CPA5: variants seen among roughly 807,000 people sequenced by gnomAD.
CPA5 encodes carboxypeptidase A5.
A neutral mutation model predicts 52.2 loss-of-function variants in CPA5; 38 were observed. The observed-to-expected ratio is 0.73, with a 90% CI of 0.56 to 0.95. The LOEUF (loss-of-function observed/expected upper bound fraction) is 0.95, where lower values mean the gene tolerates loss of function less well. Among genes scored for constraint, CPA5 ranks in the 40% least tolerant of loss-of-function variants. CPA5 has a pLI of 0.00. For missense variants in CPA5, 519 were observed against 566.7 expected (o/e 0.92, Z 0.86); for synonymous variants, 198 against 213.7 (o/e 0.93, Z 0.64).
intron 5 of CPA5, among the ~76,000 whole-genome samples, chr7:130,352,678 C>T (rs577229683): frequency 1.6e-3 from 248 of 152,214 alleles, no homozygotes; most frequent in Middle Eastern, 6.8e-3. Context: ...AGAAACACCA[C>T]CCTGACAGTG....
chr7:130,371,123 G>A (rs1364208865), downstream of CPA5, among the ~76,000 whole-genome samples: 1 of 152,244 alleles, frequency 6.6e-6, no homozygotes, highest in Admixed American at 6.5e-5. Context: ...AGTGGGTGGG[G>A]CCTAGGAGAT....
chr7:130,372,062 C>T (rs973130516), downstream of CPA5, among the ~76,000 whole-genome samples: 2 of 152,250 alleles, frequency 1.3e-5, no homozygotes, highest in Non-Finnish European at 2.9e-5. Context: ...TCTCCCCCTT[C>T]AATATCCTTC....
At position 130,350,077 on chromosome 7, in the gene CPA5, C is replaced by T. The variant is rs1554403530; in HGVS notation, c.301C>T (p.Leu101Phe). 2 of 1,613,834 alleles carry T rather than the reference C, an allele frequency of 1.2e-6. No homozygotes were observed. The highest frequency in any genetic ancestry group is 1.7e-5 in the Admixed American group (1 of 59,988). ...DIKAYLESHG[L>F]AYSIMIKDIQ... ...CAAAGCTTATCTGGAGTCTCATGGA[C>T]TTGCTTACAGCATCATGATAAAGGA... is the stretch of plus-strand genomic sequence containing the variant. Residue 101 changes from leucine to phenylalanine, a missense_variant, in exon 5 of 13, where the codon CTT becomes TTT. Physicochemically the swap from Leu to Phe is conservative, Grantham distance 22. Transcript: ENST00000474905.
intron 5 of CPA5, among the ~76,000 whole-genome samples, chr7:130,358,766 C>T (rs1397150904): frequency 2.6e-5 from 4 of 152,120 alleles, no homozygotes; most frequent in Non-Finnish European, 5.9e-5. Context: ...CTCACTGTGA[C>T]CCAAGCAGAG....
chr7:130,352,229 G>A (rs888989736), intron 5 of CPA5, among the ~76,000 whole-genome samples: 1 of 152,062 alleles, frequency 6.6e-6, no homozygotes, highest in African/African-American at 2.4e-5. Flanking sequence ...AGAAACATGA[G>A]GCAGGGCCAT....
Position 130,363,442 on chromosome 7 carries a change from G to C in CPA5, c.771G>C (p.Lys257Asn), listed in dbSNP as rs1554407376. ...HSMNRLWRKNKSIRPGIFCIG... is the reference protein window; with the variant it reads ...HSMNRLWRKNNSIRPGIFCIG... The stretch of plus-strand genomic sequence containing the variant: ...AGAACCGCTTATGGCGGAAGAACAA[G>C]TCCATCAGACCTGGAATCTTCTGCA... Residue 257 changes from lysine (K) to asparagine (N), a missense_variant, in exon 10 of 13, where the codon AAG becomes AAC. By Grantham distance (94) the Lys-to-Asn change is moderately conservative. Transcript: ENST00000474905. 6.3e-7 allele frequency: 1 copy of C among 1,577,018 alleles called. No homozygotes were observed. Among genetic ancestry groups the C allele is most frequent in the Non-Finnish European group, 8.6e-7 (1 of 1,160,552 alleles).
chr7:130,362,530 T>C lies in CPA5; in HGVS notation c.627T>C (p.Thr209=). The C allele has an allele frequency of 6.2e-7, 1 of 1,612,608 alleles. No individual in the cohort carries two copies. Among genetic ancestry groups the C allele is most frequent in the East Asian group, 2.2e-5 (1 of 44,854 alleles). ...TCACCCATGCCACCGGCATCTGGACTGCCAATAAGGTCAGCATGGACCTGT... is the reference window on the plus strand; with the variant it reads ...TCACCCATGCCACCGGCATCTGGACCGCCAATAAGGTCAGCATGGACCTGT... ...EWITHATGIW[T]ANKIVSDYGK... is the part of the protein sequence containing the mutation. Residue 209 remains threonine (T), a synonymous_variant, in exon 8 of 13, where the codon ACT becomes ACC. Transcript: ENST00000474905.
In CPA5 at chr7:130,352,011, A is replaced by G. The variant is rs971798752; in HGVS notation, c.333+1902A>G. 8.5e-5 allele frequency among the ~76,000 whole-genome samples: 13 copies of G among 152,050 alleles called. No homozygotes were observed. The East Asian group carries it at 2.5e-3, about 29-fold the overall frequency. ...TGTCAATCTTCCTACCCCAGTACCT[A>G]CCATAGGACCTGCTGCTTCGTTGAG... On this transcript the variant is annotated intron_variant, in intron 5 of 12. Transcript: ENST00000474905.
chr7:130,362,570 C>G (rs782281387), intron 8 of CPA5, 31 bp downstream of exon 8: 5 of 1,505,494 alleles, frequency 3.3e-6, no homozygotes, highest in South Asian at 1.1e-5. Flanking sequence ...AAGGTGCACC[C>G]ACGATGGGGG....
At chr7:130,361,077 G>C in intron 6 of CPA5, 66 bp from the exon 7 acceptor site, 2 of 991,692 alleles carry the variant, frequency 2.0e-6, no homozygotes, top group Non-Finnish European at 3.2e-6. Flanking sequence ...AGAACATTCA[G>C]AGAGGCCCCA....
At chr7:130,363,787 G>C (rs956983994) in intron 10 of CPA5, among the ~76,000 whole-genome samples, 1 of 152,176 alleles carries the variant, frequency 6.6e-6, no homozygotes. Context: ...AGGACTAACT[G>C]CATGAGTCAA....
downstream of CPA5, among the ~76,000 whole-genome samples, chr7:130,369,172 C>A (rs184830829): frequency 1.9e-4 from 29 of 152,260 alleles, no homozygotes; most frequent in Admixed American, 1.6e-3. Context: ...CCTGCTCCCC[C>A]CGAGGTGTCC....
chr7:130,368,175 A>G (rs1158301339), intron 12 of CPA5, among the ~76,000 whole-genome samples, 185 bp downstream of exon 12: 1 of 152,242 alleles, frequency 6.6e-6, no homozygotes, highest in Non-Finnish European at 1.5e-5. Flanking sequence ...TGCCTGGCTT[A>G]CTGCAAGGTT....
intron 8 of CPA5, 100 bp downstream of exon 8, chr7:130,362,639 C>T: frequency 2.4e-6 from 2 of 836,874 alleles, no homozygotes; most frequent in South Asian, 1.6e-5. Flanking sequence ...CAGTTACACT[C>T]AGGGTGCTGT....
chr7:130,361,230 A>AT lies in CPA5; in HGVS notation c.522dup (p.Leu175SerfsTer18). Reference sequence around the variant, plus strand: ...TGGCAACAGCTTTGAAAACCAGTCCATTCTTGTCCTGAAGGTAAAAGCCCA... The same window carrying AT: ...TGGCAACAGCTTTGAAAACCAGTCCATTTCTTGTCCTGAAGGTAAAAGCCCA... On this transcript the variant is annotated frameshift_variant, in exon 7 of 13. Transcript: ENST00000474905. LOFTEE classifies it high-confidence loss of function. The AT allele has an allele frequency of 6.2e-7, 1 of 1,612,438 alleles. No individual in the cohort carries two copies. Among genetic ancestry groups the AT allele is most frequent in the Non-Finnish European group, 8.5e-7 (1 of 1,178,454 alleles).
At chr7:130,367,760 G>A (rs982130529) in intron 11 of CPA5, 146 bp from the exon 12 acceptor site, 3 of 840,754 alleles carry the variant, frequency 3.6e-6, no homozygotes, top group Non-Finnish European at 5.9e-6. Flanking sequence ...AGCTGGAAAT[G>A]CTGTGCTCCC....
intron 10 of CPA5, among the ~76,000 whole-genome samples, chr7:130,365,092 C>T (rs1796005021): frequency 6.6e-6 from 1 of 152,218 alleles, no homozygotes; most frequent in Non-Finnish European, 1.5e-5. Flanking sequence ...ATGCCCATTG[C>T]TTTTAAAATC....
chr7:130,355,887 G>T (rs570364648), intron 5 of CPA5, among the ~76,000 whole-genome samples: 2 of 152,326 alleles, frequency 1.3e-5, no homozygotes, highest in East Asian at 1.9e-4. Flanking sequence ...CCCCTCAGTG[G>T]TCATCACTGT....
Position 130,368,113 on chromosome 7 carries a change from A to G in CPA5, c.1123+123A>G, listed in dbSNP as rs565283384. 150 of 915,046 alleles carry G rather than the reference A, an allele frequency of 1.6e-4. No individual in the cohort carries two copies. In the African/African-American group the frequency reaches 1.9e-3, roughly 11 times the overall value. 56.7% of individuals were successfully genotyped at this position (915,046 alleles called of 1,614,324 possible). ...CCTCCCACACTGGATAGAAGGGTGAACAGTGGTACCCAGGGAGCTGTTTCT... is the reference window on the plus strand; with the variant it reads ...CCTCCCACACTGGATAGAAGGGTGAGCAGTGGTACCCAGGGAGCTGTTTCT... On this transcript the variant is annotated intron_variant, in intron 12 of 12. Transcript: ENST00000474905.
Sources: gnomAD v4.1 joint callset for allele counts (sites outside exome capture counted in the v4.1 genomes callset) on GRCh38, gnomAD v4.1.1 for gene constraint, MANE v1.5 for transcripts, NCBI Gene and HGNC (gene_info 2026-07-23, HGNC 2026-07-21) for gene names.